FBXO27: variants seen among roughly 807,000 people sequenced by gnomAD.
FBXO27 encodes the protein F-box only protein 27.
In FBXO27, 28 loss-of-function variants were observed where a neutral mutation model predicts 28.3. The ratio of observed to expected loss-of-function variants is 0.99; its 90% CI spans 0.73 to 1.36. FBXO27 has a LOEUF of 1.36. Among genes scored for constraint, FBXO27 ranks in the 40% most tolerant of loss-of-function variants. The probability of loss-of-function intolerance (pLI) is 0.00; values close to 1 mark genes in which losing one functional copy is unlikely to be tolerated. For synonymous variants in FBXO27, 175 were observed against 167.3 expected, an observed-to-expected ratio of 1.05 and a Z score of -0.36; for missense variants, 388 against 394.1, an observed-to-expected ratio of 0.98 and a Z score of 0.13.
intron 1 of FBXO27, among the ~76,000 whole-genome samples, chr19:39,016,014 G>A (rs924715343): frequency 6.6e-6 from 1 of 152,180 alleles, no homozygotes; most frequent in African/African-American, 2.4e-5. Context: ...GGAGGTTGCA[G>A]TGAGCCAAGA....
At position 39,032,429 on chromosome 19, in the gene FBXO27, C is replaced by T. The variant is rs1478216597; in HGVS notation, c.-27+74G>A. On this transcript the variant is annotated intron_variant, in intron 1 of 5. Transcript: ENST00000292853. The surrounding 1 kb of genome is among the most constrained non-coding windows in gnomAD (Gnocchi z 4.7). ...CCCGATATCCCGGAGACCCCGCGGT[C>T]TGTGTGTATGCCCCGAATTGCATGC... 2.7e-6 allele frequency: 2 copies of T among 743,604 alleles called. No individual in the cohort carries two copies. The highest frequency in any genetic ancestry group is 4.0e-6 in the Non-Finnish European group (2 of 505,942). The allele number at this position is 743,604 out of a possible 1,614,324, so 46.1% of individuals were successfully genotyped here.
At position 39,032,231 on chromosome 19, in the gene FBXO27, C is replaced by G. The variant is rs909868157; in HGVS notation, c.-4G>C. ...CCCTGGAGACCGAGGCGCCCATGGT[C>G]CCCCCGCCAGGCCCGGCTGTGGCTG... On this transcript the variant is annotated 5_prime_UTR_variant, in exon 2 of 6. Coordinates refer to ENST00000292853, the MANE Select transcript of FBXO27 (RefSeq NM_178820.5). The surrounding 1 kb of genome is among the most constrained non-coding windows in gnomAD (Gnocchi z 4.7). 2.8e-6 allele frequency: 4 copies of G among 1,430,986 alleles called. No homozygotes were observed. The highest frequency in any genetic ancestry group is 1.5e-5 in the South Asian group (1 of 66,552). The allele number at this position is 1,430,986 out of a possible 1,614,324, so 88.6% of individuals were successfully genotyped here.
Position 39,025,341 on chromosome 19 carries a change from GGGTCCCAGCCAAT to G in FBXO27, c.*57_*69del. The G allele has an allele frequency of 6.5e-7, 1 of 1,537,508 alleles. No individual in the cohort carries two copies. The highest frequency in any genetic ancestry group is 1.2e-5 in the South Asian group (1 of 81,156). ...TACAAGTGCTTGGTTGGTTAATGAG[GGGTCCCAGCCAAT>G]GGTCCCAGGCCCTGGAAGGCACAGT... On this transcript the variant is annotated 3_prime_UTR_variant, in exon 6 of 6. Transcript: ENST00000292853.
chr19:39,007,745 C>T (rs1035500986), intron 2 of FBXO27, among the ~76,000 whole-genome samples: 9 of 152,244 alleles, frequency 5.9e-5, no homozygotes, highest in African/African-American at 1.7e-4. Context: ...CAGGCTCAAG[C>T]GATCCTCCCA....
Position 39,032,215 on chromosome 19 carries a change from C to T in FBXO27, c.13G>A (p.Val5Ile). The change falls in exon 2 of 6, where the codon GTC (valine) becomes ATC (isoleucine). Residue 5 changes from valine (V) to isoleucine (I), a missense_variant. Coordinates refer to ENST00000292853, the MANE Select transcript of FBXO27 (RefSeq NM_178820.5). The surrounding 1 kb of genome is among the most constrained non-coding windows in gnomAD (Gnocchi z 4.7). MGASVSRGRAARVPA... is the reference protein window; with the variant it reads MGASISRGRAARVPA... ...ACCCGGGCGGCCCGGCCCCTGGAGA[C>T]CGAGGCGCCCATGGTCCCCCCGCCA... 6.9e-7 allele frequency: 1 copy of T among 1,451,002 alleles called. No homozygotes were observed. Among genetic ancestry groups the T allele is most frequent in the Non-Finnish European group, 9.0e-7 (1 of 1,108,694 alleles). 89.9% of individuals were successfully genotyped at this position (1,451,002 alleles called of 1,614,324 possible).
intron 2 of FBXO27, among the ~76,000 whole-genome samples, chr19:39,010,899 C>T (rs2072791200): frequency 6.6e-6 from 1 of 152,210 alleles, no homozygotes; most frequent in South Asian, 2.1e-4. Context: ...CTTTCCTGGG[C>T]AAAGCCAAGA....
Position 39,026,878 on chromosome 19 carries a change from A to G in FBXO27, c.700T>C (p.Cys234Arg). 6.2e-7 allele frequency: 1 copy of G among 1,614,188 alleles called. No individual in the cohort carries two copies. The highest frequency in any genetic ancestry group is 8.5e-7 in the Non-Finnish European group (1 of 1,180,038). The change falls in exon 5 of 6, where the codon TGC becomes CGC. Residue 234 changes from cysteine (C) to arginine (R), a missense_variant. Physicochemically the swap from Cys to Arg is radical, Grantham distance 180 (BLOSUM62 -3). Transcript: ENST00000292853. The part of the protein sequence containing the change: ...DPIPQWNNNA[C>R]LHVTHVFSNI... ...CCCCATAGGAGACTCACGTGAAGGC[A>G]GGCATTGTTGTTCCACTGCGGGATG...
downstream of FBXO27, among the ~76,000 whole-genome samples, chr19:39,019,487 A>G (rs2072835646): frequency 6.9e-6 from 1 of 145,484 alleles, no homozygotes; most frequent in African/African-American, 2.5e-5. Flanking sequence ...ACATACCTAT[A>G]GACTCTAATA....
At chr19:39,025,910 C>G (rs544591727) in intron 5 of FBXO27, among the ~76,000 whole-genome samples, 1 of 151,828 alleles carries the variant, frequency 6.6e-6, no homozygotes, top group African/African-American at 2.4e-5. Flanking sequence ...CCCATCTACT[C>G]GGGAGGCTGA....
At chr19:39,019,146 C>T (rs568748982), downstream of FBXO27, among the ~76,000 whole-genome samples, 135 of 150,716 alleles carry the variant, frequency 9.0e-4, no homozygotes, top group African/African-American at 3.2e-3. Flanking sequence ...GCATACTTGC[C>T]GAGCACGGTA....
At chr19:39,026,752 G>A (rs2072874667) in intron 5 of FBXO27, 118 bp downstream of exon 5, 1 of 1,474,934 alleles carries the variant, frequency 6.8e-7, no homozygotes, top group Non-Finnish European at 9.3e-7. Flanking sequence ...GATTACAGGT[G>A]TGAGCCACCG....
downstream of FBXO27, among the ~76,000 whole-genome samples, chr19:39,020,632 A>G (rs1418271224): frequency 6.6e-6 from 1 of 152,038 alleles, no homozygotes; most frequent in Non-Finnish European, 1.5e-5. Flanking sequence ...AAAGGCTACA[A>G]ATACCATTGA....
At chr19:39,010,242 GT>G (rs141711120) in intron 2 of FBXO27, among the ~76,000 whole-genome samples, 6,608 of 151,852 alleles carry the variant, frequency 0.044, 481 homozygotes, top group African/African-American at 0.15. Flanking sequence ...TTCTAAGAAT[GT>G]TATAGTCTTA....
intron 4 of FBXO27, 121 bp from the exon 5 acceptor site, chr19:39,027,126 G>A: frequency 1.6e-6 from 2 of 1,267,412 alleles, no homozygotes; most frequent in Non-Finnish European, 2.2e-6. Context: ...AGACTCCTGG[G>A]AGGTGATCTC....
chr19:39,031,947 C>T lies in FBXO27; in HGVS notation c.281G>A (p.Arg94His), dbSNP rs755156097. 2.6e-6 allele frequency: 4 copies of T among 1,515,960 alleles called. No homozygotes were observed. Among genetic ancestry groups the T allele is most frequent in the African/African-American group, 2.9e-5 (2 of 68,946 alleles). 93.9% of individuals were successfully genotyped at this position (1,515,960 alleles called of 1,614,324 possible). A position where few individuals can be genotyped will look rare whatever the true frequency, so the allele number is the denominator to read the frequency against. ...HLARSCQSPA[R>H]NARPCPLGRF... ...GCCCAGGGGGCAAGGCCTGGCGTTACGGGCGGGAGACTGGCAGCTGCGGGC... is the reference window on the plus strand; with the variant it reads ...GCCCAGGGGGCAAGGCCTGGCGTTATGGGCGGGAGACTGGCAGCTGCGGGC... The change falls in exon 2 of 6, where the codon CGT (arginine) becomes CAT (histidine). Residue 94 changes from arginine to histidine, a missense_variant. Coordinates refer to ENST00000292853, the MANE Select transcript of FBXO27 (RefSeq NM_178820.5).
intron 2 of FBXO27, among the ~76,000 whole-genome samples, chr19:39,007,057 C>CAAAAAAAAAAAAA (rs34457510): frequency 6.9e-5 from 4 of 57,622 alleles, no homozygotes; most frequent in East Asian, 6.4e-4. Flanking sequence ...TGGGTGTCTC[C>CAAAAAAAAAAAAA]AAAAAAAAAA....
At chr19:39,026,799 G>A in intron 5 of FBXO27, 71 bp downstream of exon 5, 4 of 1,601,334 alleles carry the variant, frequency 2.5e-6, no homozygotes, top group Non-Finnish European at 3.4e-6. Context: ...AAGCCACTAA[G>A]TTTTGGGGTG....
rs1472892056 is a variant in FBXO27, at chr19:39,025,334, T to TA, written c.*76dup. ...AGGGAGGTACAAGTGCTTGGTTGGT[T>TA]AATGAGGGGTCCCAGCCAATGGTCC... On this transcript the variant is annotated 3_prime_UTR_variant, in exon 6 of 6. Coordinates refer to ENST00000292853, the MANE Select transcript of FBXO27 (RefSeq NM_178820.5). The TA allele has an allele frequency of 6.5e-7, 1 of 1,530,230 alleles. No homozygotes were observed. Among genetic ancestry groups the TA allele is most frequent in the African/African-American group, 1.4e-5 (1 of 72,878 alleles). 94.8% of individuals were successfully genotyped at this position (1,530,230 alleles called of 1,614,324 possible).
chr19:39,032,280 C>T lies in FBXO27; in HGVS notation c.-26-27G>A. On this transcript the variant is annotated intron_variant, in intron 1 of 5. Transcript: ENST00000292853. The surrounding 1 kb of genome is among the most constrained non-coding windows in gnomAD (Gnocchi z 4.7). The stretch of plus-strand genomic sequence containing the variant: ...TGCGGGAGAGGAAGGGTCAAGGCGT[C>T]AGGGACCAGCAGCCTCCGCGGCGCG... 2 of 1,381,776 alleles carry T rather than the reference C, an allele frequency of 1.4e-6. No individual in the cohort carries two copies. Among genetic ancestry groups the T allele is most frequent in the Non-Finnish European group, 1.9e-6 (2 of 1,078,400 alleles). The allele number at this position is 1,381,776 out of a possible 1,614,324, so 85.6% of individuals were successfully genotyped here. A position where few individuals can be genotyped will look rare whatever the true frequency, so the allele number is the denominator to read the frequency against.
Sources: allele counts gnomAD v4.1 joint callset (sites outside exome capture counted in the v4.1 genomes callset), GRCh38; gene constraint gnomAD v4.1.1; non-coding constraint Gnocchi (gnomAD v3.1); transcripts MANE v1.5; gene names NCBI Gene and HGNC (gene_info 2026-07-23, HGNC 2026-07-21).